The following MTHFD2L variants were observed in gnomAD, a reference collection of about 807,000 sequenced individuals.
The protein encoded by MTHFD2L is bifunctional methylenetetrahydrofolate dehydrogenase/cyclohydrolase 2, mitochondrial.
Under a neutral mutation model 34.9 loss-of-function variants are expected in MTHFD2L, and 29 were observed. The observed-to-expected ratio is 0.83, with a 90% CI of 0.62 to 1.13. The LOEUF is 1.13. MTHFD2L is among the 50% of genes most tolerant of loss of function. The pLI is 0.00. For synonymous variants in MTHFD2L, 167 were observed against 155.7 expected (o/e 1.07, Z -0.54); for missense variants, 481 against 446.5 (o/e 1.08, Z -0.70).
chr4:74,165,046 T>A, intron 1 of MTHFD2L: 1 of 971,808 alleles, frequency 1.0e-6, no homozygotes, highest in Non-Finnish European at 1.2e-6. Context: ...CACTATGTAA[T>A]TTTTTTGGCC....
At chr4:74,197,965 T>G (rs1733771568) in intron 3 of MTHFD2L, among the ~76,000 whole-genome samples, 1 of 152,136 alleles carries the variant, frequency 6.6e-6, no homozygotes, top group Admixed American at 6.5e-5. Context: ...TTTTCTGGAT[T>G]TTTATGATCT....
intron 6 of MTHFD2L, chr4:74,267,371 T>TTTTCTTTCTTTCTTTCTTTCTTTC (rs200111752): frequency 4.4e-6 from 2 of 451,726 alleles, no homozygotes; most frequent in African/African-American, 4.5e-5. Flanking sequence ...CCTTTCTCTT[T>TTTTCTTTCTTTCTTTCTTTCTTTC]TTTCTTTCTT....
At chr4:74,214,770 G>C (rs1361985964) in intron 5 of MTHFD2L, among the ~76,000 whole-genome samples, 3 of 151,814 alleles carry the variant, frequency 2.0e-5, no homozygotes, top group Non-Finnish European at 4.4e-5. Flanking sequence ...TTAAGAGCTG[G>C]CAAGCAGGAA....
At chr4:74,122,606 C>T (rs534867152), upstream of MTHFD2L, among the ~76,000 whole-genome samples, 37 of 152,280 alleles carry the variant, frequency 2.4e-4, no homozygotes, top group African/African-American at 8.7e-4. Context: ...TGGAATATTG[C>T]TGCCAAAAAT....
At chr4:74,187,922 G>A (rs1479260329) in intron 3 of MTHFD2L, among the ~76,000 whole-genome samples, 1 of 151,964 alleles carries the variant, frequency 6.6e-6, no homozygotes, top group Non-Finnish European at 1.5e-5. Flanking sequence ...AATGTTCATA[G>A]AACCTTTATT....
chr4:74,280,842 AAAAG>A (rs1348594092), intron 6 of MTHFD2L, among the ~76,000 whole-genome samples: 3 of 147,086 alleles, frequency 2.0e-5, no homozygotes, highest in Non-Finnish European at 4.4e-5. Flanking sequence ...AGAAAAAATA[AAAAG>A]AAAGCTCAAG....
chr4:74,132,497 C>G (rs1722601983), intron 1 of MTHFD2L, among the ~76,000 whole-genome samples: 1 of 152,026 alleles, frequency 6.6e-6, no homozygotes, highest in Non-Finnish European at 1.5e-5. Flanking sequence ...AACAGAAAAC[C>G]AAACACCACA....
chr4:74,182,168 A>G (rs1267468609), intron 3 of MTHFD2L, among the ~76,000 whole-genome samples: 4 of 152,166 alleles, frequency 2.6e-5, no homozygotes, highest in Non-Finnish European at 5.9e-5. Flanking sequence ...GTTTGAGTGT[A>G]TAGAATAATT....
intron 3 of MTHFD2L, among the ~76,000 whole-genome samples, chr4:74,186,249 A>G (rs1013885978): frequency 6.6e-6 from 1 of 152,018 alleles, no homozygotes; most frequent in African/African-American, 2.4e-5. Flanking sequence ...AAGGGAATGT[A>G]TGAAAAATCT....
chr4:74,254,901 G>A (rs1400223670), intron 6 of MTHFD2L, among the ~76,000 whole-genome samples: 1 of 152,010 alleles, frequency 6.6e-6, no homozygotes, highest in Non-Finnish European at 1.5e-5. Flanking sequence ...TTGGGAGGCC[G>A]AGGTGGGCGG....
intron 1 of MTHFD2L, among the ~76,000 whole-genome samples, chr4:74,129,799 G>GT (rs534420972): frequency 0.014 from 2,098 of 151,648 alleles, 34 homozygotes; most frequent in African/African-American, 0.047. Flanking sequence ...TCCTGGAGCT[G>GT]TTTTTTTTGA....
At chr4:74,276,143 G>T (rs1458512150) in intron 6 of MTHFD2L, among the ~76,000 whole-genome samples, 3 of 152,064 alleles carry the variant, frequency 2.0e-5, no homozygotes, top group Admixed American at 2.0e-4. Flanking sequence ...AGAGGGTTTT[G>T]AAGCAAGGGT....
intron 1 of MTHFD2L, among the ~76,000 whole-genome samples, chr4:74,169,449 A>G (rs1464225854): frequency 6.6e-6 from 1 of 152,230 alleles, no homozygotes; most frequent in Middle Eastern, 3.2e-3. Flanking sequence ...TGAATCAATA[A>G]TGTGTCAGCA....
At chr4:74,180,803 A>G (rs1055049942) in intron 3 of MTHFD2L, 10 of 378,838 alleles carry the variant, frequency 2.6e-5, no homozygotes, top group Admixed American at 2.2e-4. Context: ...CCGAATGCAG[A>G]TGCTTTCCTA....
At chr4:74,190,904 G>A (rs1560468274) in intron 3 of MTHFD2L, among the ~76,000 whole-genome samples, 1 of 151,912 alleles carries the variant, frequency 6.6e-6, no homozygotes, top group East Asian at 1.9e-4. Flanking sequence ...ATTCATTTTT[G>A]TTTTTTGTTT....
rs62312514 is a variant in MTHFD2L at position 74,250,634 on chromosome 4, G to T, written c.805+25240G>T. 5.0e-3 allele frequency among the ~76,000 whole-genome samples: 763 copies of T among 152,182 alleles called. 1 individual carries two copies. Among genetic ancestry groups the T allele is most frequent in the Non-Finnish European group, 6.9e-3 (472 of 67,996 alleles). On this transcript the variant is annotated intron_variant, in intron 6 of 7. Transcript: ENST00000325278. Reference sequence around the variant, plus strand: ...AGTGCTAAAACTTTAAAGGTTCTGCGTGCAGTTCCTCTTAATTATGCCTTG... The same window carrying T: ...AGTGCTAAAACTTTAAAGGTTCTGCTTGCAGTTCCTCTTAATTATGCCTTG...
intron 6 of MTHFD2L, among the ~76,000 whole-genome samples, chr4:74,230,009 C>T (rs1414047812): frequency 6.6e-6 from 1 of 151,954 alleles, no homozygotes; most frequent in Non-Finnish European, 1.5e-5. Flanking sequence ...AGTGGTTGCC[C>T]AGTAAATGTG....
chr4:74,155,517 A>G (rs1724183165), upstream of MTHFD2L, among the ~76,000 whole-genome samples: 1 of 152,170 alleles, frequency 6.6e-6, no homozygotes, highest in Non-Finnish European at 1.5e-5. Flanking sequence ...AATAATGTCT[A>G]TTCTAAATTG....
chr4:74,122,478 G>C (rs1167434205), upstream of MTHFD2L, among the ~76,000 whole-genome samples: 1 of 152,134 alleles, frequency 6.6e-6, no homozygotes, highest in African/African-American at 2.4e-5. Flanking sequence ...CCTCACACCA[G>C]GTACCTCCCC....
Sources: allele counts gnomAD v4.1 joint callset (sites outside exome capture counted in the v4.1 genomes callset), GRCh38; gene constraint gnomAD v4.1.1; transcripts MANE v1.5; gene names NCBI Gene and HGNC (gene_info 2026-07-23, HGNC 2026-07-21).